Variants in ERP44 observed in about 807,000 individuals in gnomAD.
ERP44 encodes endoplasmic reticulum protein 44.
A neutral mutation model predicts 53.4 loss-of-function variants in ERP44; 25 were observed. That is an observed-to-expected ratio of 0.47 (90% CI 0.34 to 0.65). ERP44 has a LOEUF of 0.65. ERP44 is among the 30% of genes least tolerant of loss of function. The pLI, the probability that ERP44 is intolerant of heterozygous loss-of-function variation, is 0.01. For missense variants in ERP44, 338 were observed against 493.2 expected, an observed-to-expected ratio of 0.69 and a Z score of 2.98; for synonymous variants, 145 against 161.2, an observed-to-expected ratio of 0.90 and a Z score of 0.76.
chr9:99,992,380 G>A (rs372922602), intron 10 of ERP44, among the ~76,000 whole-genome samples: 7 of 152,006 alleles, frequency 4.6e-5, no homozygotes, highest in East Asian at 3.9e-4. Context: ...ATCAATAAAC[G>A]TAATCCATCA....
Position 100,093,303 on chromosome 9 carries a change from A to T in ERP44, c.57+5481T>A, listed in dbSNP as rs185544852. On this transcript the variant is annotated intron_variant, in intron 1 of 11. Coordinates refer to ENST00000262455, the MANE Select transcript of ERP44 (RefSeq NM_015051.3). ...TGGCTGTATATTCCAGTGCTTCTCA[A>T]CCCTGTGAGCATCATCACAGAATCA... Among the ~76,000 whole-genome samples the T allele has an allele frequency of 6.6e-5, 10 of 152,314 alleles. No homozygotes were observed. In the South Asian group the frequency reaches 1.0e-3, roughly 16 times the overall value.
intron 1 of ERP44, among the ~76,000 whole-genome samples, chr9:100,081,820 A>G (rs1439397196): frequency 6.6e-6 from 1 of 152,190 alleles, no homozygotes; most frequent in Non-Finnish European, 1.5e-5. Flanking sequence ...TACAAGACAA[A>G]GCAATTAGGA....
rs1306589737 is a variant in ERP44, at chr9:100,068,426, C to T, written c.58-8254G>A. Among the ~76,000 whole-genome samples the T allele has an allele frequency of 1.2e-4, 13 of 109,692 alleles. No individual in the cohort carries two copies. The East Asian group carries it at 6.1e-3, about 52-fold the overall frequency. 72.0% of individuals were successfully genotyped at this position (109,692 alleles called of 152,430 possible). On this transcript the variant is annotated intron_variant, in intron 1 of 11. Coordinates refer to ENST00000262455, the MANE Select transcript of ERP44 (RefSeq NM_015051.3). The stretch of plus-strand genomic sequence containing the variant: ...CGGCCAGCCGCCGGGCCAGCCGCCC[C>T]GTCCGGGAGGTGAGAGGTGCCTCTG...
At chr9:100,043,711 C>T (rs951608994) in intron 4 of ERP44, among the ~76,000 whole-genome samples, 6 of 151,792 alleles carry the variant, frequency 4.0e-5, no homozygotes, top group African/African-American at 1.2e-4. Flanking sequence ...GCTGAGAACG[C>T]GCCACTGTAC....
intron 4 of ERP44, among the ~76,000 whole-genome samples, chr9:100,039,477 GAAAC>G (rs1392833897): frequency 6.6e-6 from 1 of 152,040 alleles, no homozygotes; most frequent in Non-Finnish European, 1.5e-5. Flanking sequence ...AAATTTTATT[GAAAC>G]AAATAATAAT....
chr9:100,048,137 G>A (rs1023504377), intron 4 of ERP44, among the ~76,000 whole-genome samples: 7 of 152,034 alleles, frequency 4.6e-5, no homozygotes, highest in Admixed American at 3.3e-4. Context: ...AGCTACTCAG[G>A]AGGCTGAGTG....
In ERP44 at chr9:100,098,969, G is replaced by T; in HGVS notation, c.-129C>A. The T allele has an allele frequency of 1.4e-6, 1 of 702,818 alleles. No individual in the cohort carries two copies. The highest frequency in any genetic ancestry group is 2.8e-5 in the East Asian group (1 of 36,010). The allele number at this position is 702,818 out of a possible 1,614,324, so 43.5% of individuals were successfully genotyped here. ...AGGATTCTCCAGGCAGCGGCACCTC[G>T]TCCTCTCGACCCGGGCTCCAGCGGC... On this transcript the variant is annotated 5_prime_UTR_variant, in exon 1 of 12. Transcript: ENST00000262455.
At chr9:100,096,165 G>A (rs1236079681) in intron 1 of ERP44, among the ~76,000 whole-genome samples, 4 of 152,094 alleles carry the variant, frequency 2.6e-5, no homozygotes, top group Non-Finnish European at 5.9e-5. Flanking sequence ...GTTACCTAGG[G>A]TGCATGAGAC....
At chr9:99,991,805 T>C (rs374767931) in intron 10 of ERP44, among the ~76,000 whole-genome samples, 1 of 151,840 alleles carries the variant, frequency 6.6e-6, no homozygotes, top group African/African-American at 2.4e-5. Flanking sequence ...AAGAATCAAA[T>C]AGATGCAATA....
At chr9:100,025,791 T>C (rs1367539322) in intron 4 of ERP44, among the ~76,000 whole-genome samples, 1 of 152,118 alleles carries the variant, frequency 6.6e-6, no homozygotes, top group Non-Finnish European at 1.5e-5. Context: ...AAAATAATAA[T>C]AATAATAAAA....
At chr9:100,071,620 T>A (rs1826306189) in intron 1 of ERP44, among the ~76,000 whole-genome samples, 1 of 152,126 alleles carries the variant, frequency 6.6e-6, no homozygotes. Context: ...CTACTGACTT[T>A]AAAGATCTGT....
chr9:99,997,648 G>A (rs1324523820), intron 10 of ERP44, among the ~76,000 whole-genome samples: 2 of 152,014 alleles, frequency 1.3e-5, no homozygotes, highest in East Asian at 3.9e-4. Context: ...GGTTTAAACC[G>A]TAATGGTTAC....
chr9:100,020,677 T>C lies in ERP44; in HGVS notation c.526A>G (p.Arg176Gly), dbSNP rs149213852. The C allele has an allele frequency of 3.5e-5, 57 of 1,611,422 alleles. No homozygotes were observed. Among genetic ancestry groups the C allele is most frequent in the Admixed American group, 1.2e-4 (7 of 59,934 alleles). ...ATATTCGCTACTCGTTCAAAAACTCTATAGTTGTCCGAGTCCTTTTGCTCA... is the reference window on the plus strand; with the variant it reads ...ATATTCGCTACTCGTTCAAAAACTCCATAGTTGTCCGAGTCCTTTTGCTCA... ...YFEQKDSDNY[R>G]VFERVANILH... The change falls in exon 6 of 12, where the codon AGA (arginine) becomes GGA (glycine). Residue 176 changes from arginine to glycine, a missense_variant. By Grantham distance (125) the Arg-to-Gly change is moderately radical (BLOSUM62 -2). Coordinates refer to ENST00000262455, the MANE Select transcript of ERP44 (RefSeq NM_015051.3).
intron 4 of ERP44, among the ~76,000 whole-genome samples, chr9:100,029,860 C>T (rs542726166): frequency 3.9e-5 from 6 of 152,216 alleles, no homozygotes; most frequent in Admixed American, 6.5e-5. Context: ...GAGACCGAGG[C>T]GGGCAGATCA....
intron 8 of ERP44, among the ~76,000 whole-genome samples, chr9:100,011,933 C>A (rs10988944): frequency 0.19 from 29,339 of 152,062 alleles, 4,558 homozygotes; most frequent in African/African-American, 0.43. Context: ...CTTACCGCTG[C>A]AGCATCCCTA....
chr9:100,017,822 C>T (rs1397741244), intron 7 of ERP44, among the ~76,000 whole-genome samples: 1 of 152,160 alleles, frequency 6.6e-6, no homozygotes, highest in African/African-American at 2.4e-5. Flanking sequence ...TAAAAACAAC[C>T]TAGCTGCTCC....
At chr9:99,987,703 T>C (rs906421424) in intron 10 of ERP44, among the ~76,000 whole-genome samples, 1 of 152,184 alleles carries the variant, frequency 6.6e-6, no homozygotes, top group African/African-American at 2.4e-5. Context: ...CCATAACCCC[T>C]GGCAACTGTT....
At chr9:100,084,708 T>C (rs1386644356) in intron 1 of ERP44, among the ~76,000 whole-genome samples, 3 of 152,220 alleles carry the variant, frequency 2.0e-5, no homozygotes, top group Non-Finnish European at 4.4e-5. Flanking sequence ...ATTTATTAAC[T>C]AATACTTCAA....
At chr9:100,020,785 G>A in intron 5 of ERP44, 54 bp from the exon 6 acceptor site, 1 of 896,704 alleles carries the variant, frequency 1.1e-6, no homozygotes, top group Non-Finnish European at 1.8e-6. Context: ...TTATAAACAT[G>A]TTATTTCATT....
Sources: allele counts gnomAD v4.1 joint callset (sites outside exome capture counted in the v4.1 genomes callset), GRCh38; gene constraint gnomAD v4.1.1; transcripts MANE v1.5; gene names NCBI Gene and HGNC (gene_info 2026-07-23, HGNC 2026-07-21).